ODR4: variants seen among roughly 807,000 people sequenced by gnomAD.
ODR4 encodes the protein odr-4 GPCR localization factor homolog.
ODR4 carries 47 observed loss-of-function variants against 60.2 expected under a neutral mutation model. That is an observed-to-expected ratio of 0.78 (90% CI 0.62 to 1.00). The LOEUF (loss-of-function observed/expected upper bound fraction) is 1.00, where lower values mean the gene tolerates loss of function less well. ODR4 is among the 50% of genes least tolerant of loss of function. The pLI, the probability that ODR4 is intolerant of heterozygous loss-of-function variation, is 0.00. For missense variants in ODR4, 488 were observed against 530.8 expected, an observed-to-expected ratio of 0.92 and a Z score of 0.79; for synonymous variants, 178 against 175.5, an observed-to-expected ratio of 1.01 and a Z score of -0.11.
the ODR4 span, among the ~76,000 whole-genome samples, chr1:186,434,445 C>G: frequency 1.3e-5 from 2 of 152,028 alleles, no homozygotes; most frequent in Middle Eastern, 3.2e-3. Context: ...TCTTTAAATT[C>G]TTACTCTGGA....
rs1160917825 is a variant in ODR4, at chr1:186,420,627, C to T, written c.*1551C>T. ...ATATTTATTGAAATAAGAAAAAAGC[C>T]CTCAGACATGTTGAATATTTTATTA... On this transcript the variant is annotated 3_prime_UTR_variant, in exon 14 of 14. Transcript: ENST00000287859. The T allele has an allele frequency of 6.6e-6, 1 of 152,008 alleles. No individual in the cohort carries two copies. The highest frequency in any genetic ancestry group is 2.4e-5 in the African/African-American group (1 of 41,394). 9.4% of individuals were successfully genotyped at this position (152,008 alleles called of 1,614,324 possible).
At chr1:186,394,230 A>C (rs558015103) in intron 9 of ODR4, among the ~76,000 whole-genome samples, 1 of 152,238 alleles carries the variant, frequency 6.6e-6, no homozygotes, top group African/African-American at 2.4e-5. Context: ...TTTAACATCA[A>C]TAGATAGCAG....
intron 9 of ODR4, among the ~76,000 whole-genome samples, chr1:186,395,961 T>G (rs768021696): frequency 4.6e-5 from 7 of 152,188 alleles, no homozygotes; most frequent in Admixed American, 6.5e-5. Context: ...GTTCTTATTT[T>G]CTACCTCTTA....
rs995212180 is a variant in ODR4 at position 186,398,522 on chromosome 1, A to G, written c.909+81A>G. On this transcript the variant is annotated intron_variant, in intron 10 of 13. Transcript: ENST00000287859. Reference sequence around the variant, plus strand: ...AAATTTTACCATTTTTTAATCTTATATTTTGTAATTATTAATTCGATTTTA... The same window carrying G: ...AAATTTTACCATTTTTTAATCTTATGTTTTGTAATTATTAATTCGATTTTA... The G allele has an allele frequency of 9.8e-6, 13 of 1,330,992 alleles. No homozygotes were observed. In the African/African-American group the frequency reaches 2.0e-4, roughly 20 times the overall value. 82.4% of individuals were successfully genotyped at this position (1,330,992 alleles called of 1,614,324 possible).
chr1:186,408,883 T>G (rs1381379678), intron 12 of ODR4, among the ~76,000 whole-genome samples: 1 of 151,960 alleles, frequency 6.6e-6, no homozygotes, highest in Non-Finnish European at 1.5e-5. Flanking sequence ...TTTTAAATAA[T>G]TCTTAAAAAT....
the ODR4 span, among the ~76,000 whole-genome samples, chr1:186,432,933 A>T: frequency 7.9e-4 from 120 of 151,826 alleles, no homozygotes; most frequent in African/African-American, 2.9e-3. Context: ...CTACAGGCGC[A>T]TGGCAACACA....
chr1:186,410,021 G>C (rs367678298), intron 12 of ODR4, among the ~76,000 whole-genome samples: 2 of 152,050 alleles, frequency 1.3e-5, no homozygotes, highest in South Asian at 2.1e-4. Flanking sequence ...ATTTAATGTT[G>C]ATCTTTCACA....
At chr1:186,390,108 C>T (rs549390615) in intron 6 of ODR4, among the ~76,000 whole-genome samples, 1 of 152,180 alleles carries the variant, frequency 6.6e-6, no homozygotes, top group South Asian at 2.1e-4. Flanking sequence ...GGCCAGCCAA[C>T]TTTTTAAAAA....
In ODR4 at chr1:186,393,796, A is replaced by G. The variant is rs142822485; in HGVS notation, c.712-151A>G. The stretch of plus-strand genomic sequence containing the variant: ...AAGAGTGTACATTGATACAGAATAC[A>G]TAAAGTAATATCTATATAAAAAGCT... On this transcript the variant is annotated intron_variant, in intron 8 of 13. Transcript: ENST00000287859. 2,384 of 586,182 alleles carry G rather than the reference A, an allele frequency of 4.1e-3. 60 individuals carry two copies. The Admixed American group carries it at 0.058, about 14-fold the overall frequency. The allele number at this position is 586,182 out of a possible 1,614,324, so 36.3% of individuals were successfully genotyped here. A position where few individuals can be genotyped will look rare whatever the true frequency, so the allele number is the denominator to read the frequency against.
At chr1:186,398,507 A>G in intron 10 of ODR4, 66 bp downstream of exon 10, 1 of 1,436,678 alleles carries the variant, frequency 7.0e-7, no homozygotes, top group East Asian at 2.5e-5. Context: ...AAATTTTACC[A>G]TTTTTTAATC....
rs568371640 is a variant in ODR4, at chr1:186,379,457, A to C, written c.-19-310A>C. On this transcript the variant is annotated intron_variant, in intron 1 of 13. Transcript: ENST00000287859. ...AAACTCCGTCTCAAAAAAAAAAAAAAAAAAAAGAAATCTGGTGTGTTGCTT... is the reference window on the plus strand; with the variant it reads ...AAACTCCGTCTCAAAAAAAAAAAAACAAAAAAGAAATCTGGTGTGTTGCTT... Among the ~76,000 whole-genome samples, 4 of 148,626 alleles carry C rather than the reference A, an allele frequency of 2.7e-5. No individual in the cohort carries two copies. In the East Asian group the frequency reaches 7.8e-4, roughly 29 times the overall value.
Position 186,381,269 on chromosome 1 carries a change from T to C in ODR4, c.99+1385T>C, listed in dbSNP as rs181290650. ...ATTTGTCTTAACTGGATAAAGGTTG[T>C]TTCTAAAGCTCAGGCAAACTGCCAT... On this transcript the variant is annotated intron_variant, in intron 2 of 13. Transcript: ENST00000287859. 2.6e-5 allele frequency among the ~76,000 whole-genome samples: 4 copies of C among 152,300 alleles called. No homozygotes were observed. In the East Asian group the frequency reaches 7.7e-4, roughly 29 times the overall value.
intron 4 of ODR4, 135 bp downstream of exon 4, chr1:186,386,218 A>G (rs553005194): frequency 1.9e-6 from 1 of 514,376 alleles, no homozygotes; most frequent in Non-Finnish European, 3.3e-6. Context: ...ACATTGAAAA[A>G]GCTTTTGTCA....
chr1:186,383,900 G>A (rs1386613555), intron 3 of ODR4, among the ~76,000 whole-genome samples: 2 of 152,094 alleles, frequency 1.3e-5, no homozygotes, highest in African/African-American at 2.4e-5. Flanking sequence ...CTAGCCAGGT[G>A]TGGTGGCAGG....
intron 11 of ODR4, among the ~76,000 whole-genome samples, chr1:186,402,462 C>T (rs1305399552): frequency 6.6e-6 from 1 of 151,602 alleles, no homozygotes; most frequent in Non-Finnish European, 1.5e-5. Context: ...TGCAATAATG[C>T]AGTTGTAGCT....
intron 11 of ODR4, chr1:186,400,541 A>C (rs1660900561): frequency 6.5e-6 from 1 of 153,492 alleles, no homozygotes; most frequent in South Asian, 2.0e-4. Context: ...CGGCCTCCCA[A>C]AGTGCTGGGA....
At chr1:186,404,669 G>A (rs1224804473) in intron 11 of ODR4, among the ~76,000 whole-genome samples, 1 of 152,144 alleles carries the variant, frequency 6.6e-6, no homozygotes, top group African/African-American at 2.4e-5. Flanking sequence ...TTCTCTCCCA[G>A]TTCTCATGTG....
At chr1:186,393,120 G>A (rs1479093156) in intron 8 of ODR4, among the ~76,000 whole-genome samples, 1 of 152,010 alleles carries the variant, frequency 6.6e-6, no homozygotes, top group Non-Finnish European at 1.5e-5. Context: ...ACATAGAGGG[G>A]AAAAACACAC....
chr1:186,401,145 CTATCCTGG>C, intron 11 of ODR4: 1 of 1,595,884 alleles, frequency 6.3e-7, no homozygotes. Context: ...TATTATATGG[CTATCCTGG>C]TATTCTTTCA....
Sources: gnomAD v4.1 joint callset for allele counts (sites outside exome capture counted in the v4.1 genomes callset) on GRCh38, gnomAD v4.1.1 for gene constraint, MANE v1.5 for transcripts, NCBI Gene and HGNC (gene_info 2026-07-23, HGNC 2026-07-21) for gene names.